DHRS4L2: variants seen among roughly 807,000 people sequenced by gnomAD.
DHRS4L2 encodes the protein dehydrogenase/reductase SDR family member 4-like 2.
DHRS4L2 carries 22 observed loss-of-function variants against 23.9 expected under a neutral mutation model. The ratio of observed to expected loss-of-function variants is 0.92; its 90% CI spans 0.66 to 1.31. DHRS4L2 has a LOEUF of 1.31. Among genes scored for constraint, DHRS4L2 ranks in the 40% most tolerant of loss-of-function variants. The pLI, the probability that DHRS4L2 is intolerant of heterozygous loss-of-function variation, is 0.00. For missense variants in DHRS4L2, 385 were observed against 303.3 expected, an observed-to-expected ratio of 1.27 and a Z score of -2.00; for synonymous variants, 141 against 123.7, an observed-to-expected ratio of 1.14 and a Z score of -0.93.
chr14:23,977,113 A>G (rs868179520), intron 1 of DHRS4L2, among the ~76,000 whole-genome samples: 1 of 151,960 alleles, frequency 6.6e-6, no homozygotes, highest in Non-Finnish European at 1.5e-5. Context: ...TAATAAAAAA[A>G]GAAATTCTAG....
intron 1 of DHRS4L2, among the ~76,000 whole-genome samples, chr14:23,973,052 A>T (rs1481119618): frequency 1.5e-4 from 23 of 152,002 alleles, no homozygotes; most frequent in Non-Finnish European, 2.2e-4. Flanking sequence ...ATACCGAGAC[A>T]TTTAGTTCCC....
chr14:23,970,509 C>T (rs529793160), intron 1 of DHRS4L2, among the ~76,000 whole-genome samples: 53 of 152,088 alleles, frequency 3.5e-4, no homozygotes, highest in Non-Finnish European at 7.2e-4. Context: ...GCAAGGCCTA[C>T]TGCCTCTCCA....
rs541624279 is a variant in DHRS4L2, at chr14:23,992,983, T to A, written c.307-2049T>A. ...GTGTGAGCCACCACACCCAGCCTCA[T>A]TCATCTTTTATGGTTTGCTGTCTCT... On this transcript the variant is annotated intron_variant, in intron 2 of 7. Transcript: ENST00000335125. Among the ~76,000 whole-genome samples the A allele has an allele frequency of 3.4e-5, 5 of 147,752 alleles. No individual in the cohort carries two copies. The South Asian group carries it at 9.0e-4, about 27-fold the overall frequency.
intron 3 of DHRS4L2, among the ~76,000 whole-genome samples, chr14:23,996,156 A>G (rs1330390033): frequency 6.6e-6 from 1 of 151,774 alleles, no homozygotes; most frequent in Non-Finnish European, 1.5e-5. Context: ...ACTCATTGCC[A>G]CAGGGAGGGC....
chr14:24,001,382 A>G lies in DHRS4L2; in HGVS notation c.532-2A>G, dbSNP rs2034485601. 3.7e-6 allele frequency: 6 copies of G among 1,604,320 alleles called. No individual in the cohort carries two copies. The East Asian group carries it at 1.3e-4, about 36-fold the overall frequency. ...GTCTAACACATTCTCTTCTTTCTCC[A>G]GGGCTTCAGTCCTTACAATGTCAGT... is the stretch of plus-strand genomic sequence containing the variant. On this transcript the variant is annotated splice_acceptor_variant, in intron 5 of 7. Coordinates refer to ENST00000335125, the MANE Select transcript of DHRS4L2 (RefSeq NM_198083.4). LOFTEE classifies it high-confidence loss of function.
chr14:23,979,233 G>A (rs1212212732), intron 1 of DHRS4L2, among the ~76,000 whole-genome samples: 1 of 148,392 alleles, frequency 6.7e-6, no homozygotes, highest in African/African-American at 2.5e-5. Context: ...AATTCAACAA[G>A]AAGAGCTAAC....
intron 6 of DHRS4L2, 93 bp downstream of exon 6, chr14:24,001,610 C>T: frequency 2.6e-6 from 4 of 1,523,590 alleles, no homozygotes; most frequent in Non-Finnish European, 3.5e-6. Context: ...CCTGAGCTCT[C>T]AGCCACTCCA....
intron 1 of DHRS4L2, among the ~76,000 whole-genome samples, chr14:23,989,393 G>A (rs1168794177): frequency 6.6e-6 from 1 of 151,660 alleles, no homozygotes; most frequent in East Asian, 1.9e-4. Context: ...AACTGGAAAT[G>A]CAAGGGAATC....
intron 3 of DHRS4L2, among the ~76,000 whole-genome samples, chr14:23,995,738 T>A (rs1313720010): frequency 1.3e-5 from 2 of 151,872 alleles, no homozygotes; most frequent in East Asian, 3.8e-4. Flanking sequence ...TACATTATAT[T>A]CATAATATAT....
chr14:23,974,213 A>G (rs1281514161), intron 1 of DHRS4L2, among the ~76,000 whole-genome samples: 2 of 152,008 alleles, frequency 1.3e-5, no homozygotes, highest in East Asian at 3.9e-4. Flanking sequence ...GAACAAAGAC[A>G]CAGTGTAGCA....
intron 1 of DHRS4L2, among the ~76,000 whole-genome samples, chr14:23,976,612 C>G (rs1038991287): frequency 1.3e-5 from 2 of 151,806 alleles, no homozygotes; most frequent in Non-Finnish European, 2.9e-5. Flanking sequence ...GGATATCTAC[C>G]CAAAGGATCA....
At chr14:23,995,198 C>T (rs542839651) in intron 3 of DHRS4L2, 65 bp downstream of exon 3, 2 of 1,563,354 alleles carry the variant, frequency 1.3e-6, no homozygotes, top group Admixed American at 1.7e-5. Flanking sequence ...ACTCCATCTG[C>T]TTTTAGAATG....
Position 23,977,448 on chromosome 14 carries a change from T to C in DHRS4L2, c.-176+7116T>C, listed in dbSNP as rs1382752793. On this transcript the variant is annotated intron_variant, in intron 1 of 5. Coordinates refer to the DHRS4L2 transcript ENST00000534993. ...TGTGTTACCATTTTATCACTGAGCTTAAGCCACCACCAAAGTTTAAGCCAT... is the reference window on the plus strand; with the variant it reads ...TGTGTTACCATTTTATCACTGAGCTCAAGCCACCACCAAAGTTTAAGCCAT... Among the ~76,000 whole-genome samples, 3 of 151,660 alleles carry C rather than the reference T, an allele frequency of 2.0e-5. 1 individual carries two copies. Among genetic ancestry groups the C allele is most frequent in the South Asian group, 4.2e-4 (2 of 4,814 alleles).
intron 2 of DHRS4L2, among the ~76,000 whole-genome samples, chr14:23,993,202 C>T (rs1407694124): frequency 6.6e-6 from 1 of 151,694 alleles, no homozygotes; most frequent in Admixed American, 6.6e-5. Context: ...TCCCTAGTAA[C>T]AAGTCCATTG....
chr14:23,992,856 T>A (rs940615026), intron 2 of DHRS4L2, among the ~76,000 whole-genome samples: 1 of 146,372 alleles, frequency 6.8e-6, no homozygotes, highest in Non-Finnish European at 1.5e-5. Context: ...AGTTCATTTT[T>A]TAAATTTTTT....
chr14:23,975,280 T>C (rs2033944666), intron 1 of DHRS4L2, among the ~76,000 whole-genome samples: 1 of 151,732 alleles, frequency 6.6e-6, no homozygotes, highest in Non-Finnish European at 1.5e-5. Flanking sequence ...AGCATTCCTA[T>C]ATGCAAATAA....
At chr14:23,988,339 T>G (rs1399129819), upstream of DHRS4L2, among the ~76,000 whole-genome samples, 2 of 148,042 alleles carry the variant, frequency 1.4e-5, 1 homozygote, top group Non-Finnish European at 3.0e-5. Flanking sequence ...GACCGTAGTC[T>G]GCCCTCCAAG....
chr14:23,990,218 C>A lies in DHRS4L2; in HGVS notation c.165C>A (p.Asp55Glu), dbSNP rs756732860. 3.7e-6 allele frequency: 6 copies of A among 1,612,854 alleles called. No homozygotes were observed. The highest frequency in any genetic ancestry group is 5.1e-6 in the Non-Finnish European group (6 of 1,179,378). Reference protein sequence around the residue: ...GFAIARRLAQDRAHVVVSSRK... With the variant: ...GFAIARRLAQERAHVVVSSRK... ...CCATCGCCCGGCGTTTGGCCCAGGA[C>A]AGGGCCCACGTGGTCGTCAGCAGCC... is the stretch of plus-strand genomic sequence containing the variant. The change falls in exon 2 of 8, where the codon GAC (aspartate) becomes GAA (glutamate). Residue 55 changes from aspartate (D) to glutamate (E), a missense_variant. By Grantham distance (45) the Asp-to-Glu change is conservative (BLOSUM62 2). Coordinates refer to ENST00000335125, the MANE Select transcript of DHRS4L2 (RefSeq NM_198083.4).
At chr14:23,989,660 T>G (rs1015780835) in intron 1 of DHRS4L2, among the ~76,000 whole-genome samples, 3 of 151,618 alleles carry the variant, frequency 2.0e-5, no homozygotes, top group Admixed American at 1.3e-4. Context: ...AAAATACAAA[T>G]GTAGATAAAA....
Sources: allele counts gnomAD v4.1 joint callset (sites outside exome capture counted in the v4.1 genomes callset), GRCh38; gene constraint gnomAD v4.1.1; transcripts MANE v1.5; gene names NCBI Gene and HGNC (gene_info 2026-07-23, HGNC 2026-07-21).